The following FSD1L variants were observed in gnomAD, a reference collection of about 807,000 sequenced individuals.
The protein encoded by FSD1L is fibronectin type III and SPRY domain containing 1 like, also known as FSD1-like protein.
Under a neutral mutation model 71.6 loss-of-function variants are expected in FSD1L, and 45 were observed. That is an observed-to-expected ratio of 0.63 (90% CI 0.49 to 0.81). The LOEUF is 0.81. Among genes scored for constraint, FSD1L ranks in the 30% least tolerant of loss-of-function variants. The pLI is 0.00. For missense variants in FSD1L, 561 were observed against 618.1 expected, an observed-to-expected ratio of 0.91 and a Z score of 0.98; for synonymous variants, 197 against 207.2, an observed-to-expected ratio of 0.95 and a Z score of 0.42.
intron 10 of FSD1L, among the ~76,000 whole-genome samples, chr9:105,533,620 A>G (rs1159643653): frequency 1.4e-5 from 2 of 147,954 alleles, no homozygotes; most frequent in Admixed American, 6.8e-5. Flanking sequence ...ACGGGGTTTC[A>G]CTGTGTTGCC....
intron 6 of FSD1L, among the ~76,000 whole-genome samples, chr9:105,483,623 A>T (rs1466877112): frequency 6.6e-6 from 1 of 152,236 alleles, no homozygotes; most frequent in African/African-American, 2.4e-5. Context: ...TTCAGTTTTA[A>T]TGGACTACAG....
At chr9:105,537,817 T>C (rs545368855) in intron 12 of FSD1L, among the ~76,000 whole-genome samples, 6 of 152,308 alleles carry the variant, frequency 3.9e-5, no homozygotes, top group Non-Finnish European at 7.4e-5. Context: ...TAAGCCCTTA[T>C]TGCCTGGCTA....
At chr9:105,466,538 C>T (rs1462134864) in intron 3 of FSD1L, among the ~76,000 whole-genome samples, 2 of 151,966 alleles carry the variant, frequency 1.3e-5, no homozygotes, top group African/African-American at 2.4e-5. Flanking sequence ...ACTAAAAATA[C>T]AAGAATTAGC....
At chr9:105,523,407 A>G (rs1835308873) in intron 10 of FSD1L, 8 of 1,604,136 alleles carry the variant, frequency 5.0e-6, no homozygotes, top group Non-Finnish European at 6.8e-6. Context: ...GGCAGGAGGT[A>G]CTCTGACTGG....
In FSD1L at chr9:105,469,819, G is replaced by A. The variant is rs77235851; in HGVS notation, c.339+1495G>A. Reference sequence around the variant, plus strand: ...TAATTTGTCTATTTTTGCTTTCATTGTCATATCCAGGAAATCATTGACAAA... The same window carrying A: ...TAATTTGTCTATTTTTGCTTTCATTATCATATCCAGGAAATCATTGACAAA... On this transcript the variant is annotated intron_variant, in intron 4 of 13. Transcript: ENST00000481272. 9.3e-3 allele frequency among the ~76,000 whole-genome samples: 1,398 copies of A among 150,330 alleles called. 21 individuals carry two copies. The highest frequency in any genetic ancestry group is 0.033 in the African/African-American group (1,340 of 40,870).
At chr9:105,535,402 C>T in intron 12 of FSD1L, 84 bp downstream of exon 12, 1 of 1,384,008 alleles carries the variant, frequency 7.2e-7, no homozygotes. Flanking sequence ...TACAGGATTT[C>T]CATTAGTATT....
At chr9:105,446,126 G>T (rs1323673061), upstream of FSD1L, among the ~76,000 whole-genome samples, 1 of 151,702 alleles carries the variant, frequency 6.6e-6, no homozygotes, top group African/African-American at 2.4e-5. Context: ...TCACAGTACA[G>T]TCAGGGGGAT....
intron 7 of FSD1L, among the ~76,000 whole-genome samples, chr9:105,495,604 G>A (rs921339368): frequency 6.6e-5 from 10 of 152,220 alleles, no homozygotes; most frequent in African/African-American, 2.2e-4. Context: ...GCTCACGCTG[G>A]GAGCTGTAGA....
intron 10 of FSD1L, chr9:105,520,847 A>G (rs1835102229): frequency 6.2e-7 from 1 of 1,612,250 alleles, no homozygotes; most frequent in Non-Finnish European, 8.5e-7. Flanking sequence ...CCCCACAATC[A>G]GGAGATAAAG....
chr9:105,472,657 C>T (rs954148303), intron 5 of FSD1L: 2 of 152,044 alleles, frequency 1.3e-5, no homozygotes, highest in Non-Finnish European at 2.9e-5. Context: ...ATTTACTTCA[C>T]CTTTGTGGAG....
intron 7 of FSD1L, among the ~76,000 whole-genome samples, chr9:105,504,547 G>T (rs1254045286): frequency 6.6e-6 from 1 of 152,036 alleles, no homozygotes; most frequent in Non-Finnish European, 1.5e-5. Context: ...TTCTTTTGTT[G>T]TTGTGGTTTT....
intron 1 of FSD1L, among the ~76,000 whole-genome samples, chr9:105,459,864 T>G (rs1264619304): frequency 6.6e-6 from 1 of 152,254 alleles, no homozygotes; most frequent in Non-Finnish European, 1.5e-5. Context: ...ATCTAAAGAT[T>G]GCAGTGCGTC....
intron 10 of FSD1L, chr9:105,525,117 T>C: frequency 6.5e-7 from 1 of 1,549,358 alleles, no homozygotes; most frequent in East Asian, 2.2e-5. Context: ...GTAAGTGGCT[T>C]GTCAGAACCT....
At chr9:105,453,649 A>G (rs1008710051) in intron 1 of FSD1L, among the ~76,000 whole-genome samples, 2 of 152,236 alleles carry the variant, frequency 1.3e-5, no homozygotes, top group Non-Finnish European at 2.9e-5. Flanking sequence ...TGACCACTAT[A>G]TATAATACAG....
At chr9:105,530,033 G>T (rs1835793175) in intron 10 of FSD1L, among the ~76,000 whole-genome samples, 1 of 152,192 alleles carries the variant, frequency 6.6e-6, no homozygotes, top group South Asian at 2.1e-4. Context: ...GTGCTCTCTA[G>T]GAGTTAGAAG....
At chr9:105,456,739 C>T (rs1830380543) in intron 1 of FSD1L, among the ~76,000 whole-genome samples, 1 of 152,198 alleles carries the variant, frequency 6.6e-6, no homozygotes, top group Non-Finnish European at 1.5e-5. Flanking sequence ...CTGAGATTGC[C>T]TGTGCAGACT....
At chr9:105,458,394 C>T (rs773765501) in intron 1 of FSD1L, among the ~76,000 whole-genome samples, 14 of 152,116 alleles carry the variant, frequency 9.2e-5, no homozygotes, top group Non-Finnish European at 1.8e-4. Context: ...TGCCTTTTGG[C>T]GGTTCCTGAG....
intron 10 of FSD1L, chr9:105,524,924 C>A: frequency 6.2e-7 from 1 of 1,613,650 alleles, no homozygotes; most frequent in Non-Finnish European, 8.5e-7. Context: ...GTCCAAATAT[C>A]CAGTTCTTTG....
intron 7 of FSD1L, among the ~76,000 whole-genome samples, chr9:105,505,058 T>C (rs1183364850): frequency 6.6e-6 from 1 of 152,222 alleles, no homozygotes; most frequent in East Asian, 1.9e-4. Flanking sequence ...TATTTTATAT[T>C]AGCATTTACT....
Sources: gnomAD v4.1 joint callset for allele counts (sites outside exome capture counted in the v4.1 genomes callset) on GRCh38, gnomAD v4.1.1 for gene constraint, MANE v1.5 for transcripts, NCBI Gene and HGNC (gene_info 2026-07-23, HGNC 2026-07-21) for gene names.